RUBCNL: variants seen among roughly 807,000 people sequenced by gnomAD.
RUBCNL encodes rubicon like autophagy enhancer.
RUBCNL carries 62 observed loss-of-function variants against 69.5 expected under a neutral mutation model. The observed-to-expected ratio is 0.89, with a 90% CI of 0.73 to 1.10. The LOEUF (loss-of-function observed/expected upper bound fraction) is 1.10, where lower values mean the gene tolerates loss of function less well. RUBCNL is among the 50% of genes least tolerant of loss of function. The pLI is 0.00. For synonymous variants in RUBCNL, 291 were observed against 303.6 expected (o/e 0.96, Z 0.43); for missense variants, 768 against 798.1 (o/e 0.96, Z 0.45).
At chr13:46,343,564 C>T (rs1012697954) in intron 14 of RUBCNL, 67 bp from the exon 15 acceptor site, 11 of 1,513,368 alleles carry the variant, frequency 7.3e-6, no homozygotes, top group South Asian at 3.7e-5. Context: ...TGCAGACATT[C>T]GTCTCCATCC....
In RUBCNL at chr13:46,343,516, G is replaced by A. The variant is rs1481980322; in HGVS notation, c.1877-19C>T. 1 of 1,609,608 alleles carries A rather than the reference G, an allele frequency of 6.2e-7. No individual in the cohort carries two copies. Among genetic ancestry groups the A allele is most frequent in the Non-Finnish European group, 8.5e-7 (1 of 1,176,936 alleles). On this transcript the variant is annotated intron_variant, in intron 14 of 14. Coordinates refer to ENST00000429979, the MANE Select transcript of RUBCNL (RefSeq NM_025113.5). ...CTGCACGCTGCAAGCAAGGAAGAGA[G>A]CCGTTAGCAAACGGTCTATCTTGTT...
chr13:46,346,142 C>T (rs953144835), intron 12 of RUBCNL, among the ~76,000 whole-genome samples: 1 of 152,182 alleles, frequency 6.6e-6, no homozygotes, highest in Non-Finnish European at 1.5e-5. Flanking sequence ...TTCAAAACTT[C>T]ATCTTCTCCA....
rs538019889 is a variant in RUBCNL at position 46,341,843 on chromosome 13, T to C, written c.*1542A>G. Among the ~76,000 whole-genome samples the C allele has an allele frequency of 6.6e-6, 1 of 152,358 alleles. No homozygotes were observed. The highest frequency in any genetic ancestry group is 2.1e-4 in the South Asian group (1 of 4,828). On this transcript the variant is annotated 3_prime_UTR_variant, in exon 15 of 15. Transcript: ENST00000429979. The stretch of plus-strand genomic sequence containing the variant: ...AACCCCAGCTCCATCATGCACTTCC[T>C]GTGGGAACCTAGGAAAGTTATTTCT...
chr13:46,350,477 T>A (rs575647858), intron 10 of RUBCNL, 126 bp from the exon 11 acceptor site: 60 of 687,664 alleles, frequency 8.7e-5, no homozygotes, highest in African/African-American at 8.4e-4. Context: ...GATAAAGCCA[T>A]ACTCAACCTC....
At chr13:46,379,877 T>C (rs1242199842) in intron 1 of RUBCNL, among the ~76,000 whole-genome samples, 1 of 152,156 alleles carries the variant, frequency 6.6e-6, no homozygotes. Flanking sequence ...AAGATTCACA[T>C]CCCAAAGAGA....
intron 5 of RUBCNL, among the ~76,000 whole-genome samples, chr13:46,363,866 A>C (rs1357701005): frequency 1.3e-5 from 2 of 151,484 alleles, no homozygotes; most frequent in Admixed American, 1.3e-4. Context: ...GTCTCAAAAA[A>C]AAAAAAAAGT....
chr13:46,367,773 C>T (rs1329555357), intron 5 of RUBCNL, among the ~76,000 whole-genome samples: 1 of 152,158 alleles, frequency 6.6e-6, no homozygotes, highest in Non-Finnish European at 1.5e-5. Flanking sequence ...ATGATGAACT[C>T]CCACACGTCT....
chr13:46,357,287 C>T (rs1319795865), intron 9 of RUBCNL, among the ~76,000 whole-genome samples: 5 of 146,966 alleles, frequency 3.4e-5, no homozygotes, highest in Admixed American at 1.4e-4. Flanking sequence ...GAGCCAAGAT[C>T]GCGCCACTGC....
intron 9 of RUBCNL, among the ~76,000 whole-genome samples, chr13:46,356,873 C>T (rs1427975039): frequency 6.7e-6 from 1 of 148,434 alleles, no homozygotes; most frequent in Admixed American, 6.7e-5. Flanking sequence ...GCCCAGCTAG[C>T]TTTTTTTGGC....
chr13:46,380,511 T>C (rs2049095345), intron 1 of RUBCNL, among the ~76,000 whole-genome samples: 1 of 152,214 alleles, frequency 6.6e-6, no homozygotes, highest in African/African-American at 2.4e-5. Flanking sequence ...CCGTGTGGGC[T>C]GAAATTAGCA....
chr13:46,369,636 C>G (rs560945949), intron 3 of RUBCNL, among the ~76,000 whole-genome samples: 2 of 152,360 alleles, frequency 1.3e-5, no homozygotes, highest in South Asian at 4.1e-4. Context: ...GCTGACACAT[C>G]CATTCCTGCA....
chr13:46,350,543 T>G, intron 10 of RUBCNL, 192 bp from the exon 11 acceptor site: 1 of 540,580 alleles, frequency 1.8e-6, no homozygotes, highest in Non-Finnish European at 3.3e-6. Context: ...TGGCCATTCA[T>G]GAGCTCTGCT....
intron 5 of RUBCNL, among the ~76,000 whole-genome samples, chr13:46,366,345 G>A (rs1216154851): frequency 6.6e-6 from 1 of 152,226 alleles, no homozygotes; most frequent in Non-Finnish European, 1.5e-5. Flanking sequence ...GAAGACTGCA[G>A]AGCTGAAACT....
Position 46,343,410 on chromosome 13 carries a change from T to TC in RUBCNL, c.1963dup (p.Glu655GlyfsTer24). On this transcript the variant is annotated frameshift_variant, in exon 15 of 15. Transcript: ENST00000429979. LOFTEE classifies it high-confidence loss of function. The stretch of plus-strand genomic sequence containing the variant: ...TCATGTTGCTGCAGAGGCCACACTT[T>TC]CCAGAAGTTTTCTCCTCGCTGTGAT... 6.2e-7 allele frequency: 1 copy of TC among 1,613,818 alleles called. No individual in the cohort carries two copies. Among genetic ancestry groups the TC allele is most frequent in the Non-Finnish European group, 8.5e-7 (1 of 1,179,818 alleles).
At chr13:46,385,812 T>C (rs1336165508) in intron 1 of RUBCNL, among the ~76,000 whole-genome samples, 4 of 152,214 alleles carry the variant, frequency 2.6e-5, no homozygotes, top group Non-Finnish European at 5.9e-5. Context: ...CAGTCAAATC[T>C]AACCCCTCAC....
chr13:46,387,510 T>A, upstream of RUBCNL: 1 of 985,718 alleles, frequency 1.0e-6, no homozygotes, highest in Non-Finnish European at 1.2e-6. Context: ...CCGCCCTGCC[T>A]ACCCGCGGCG....
At chr13:46,344,965 T>C in intron 13 of RUBCNL, 134 bp from the exon 14 acceptor site, 3 of 633,008 alleles carry the variant, frequency 4.7e-6, no homozygotes, top group South Asian at 2.0e-5. Context: ...GGATGTTGTT[T>C]TGCAGCAATG....
In RUBCNL at chr13:46,347,631, G is replaced by A. The variant is rs569012277; in HGVS notation, c.1631+1655C>T. Among the ~76,000 whole-genome samples, 5 of 152,176 alleles carry A rather than the reference G, an allele frequency of 3.3e-5. No homozygotes were observed. In the South Asian group the frequency reaches 1.0e-3, roughly 32 times the overall value. The stretch of plus-strand genomic sequence containing the variant: ...GAGGGGAAGCAACCCTAGTGTCCAT[G>A]GATGAATAGATGGATTAAAAAAATG... On this transcript the variant is annotated intron_variant, in intron 12 of 14. Coordinates refer to ENST00000429979, the MANE Select transcript of RUBCNL (RefSeq NM_025113.5).
At chr13:46,358,966 T>C (rs79015068) in intron 9 of RUBCNL, among the ~76,000 whole-genome samples, 5,017 of 152,218 alleles carry the variant, frequency 0.033, 107 homozygotes, top group Non-Finnish European at 0.051. Flanking sequence ...TTCTGGAAGA[T>C]AAAGTGGTCC....
Sources: allele counts gnomAD v4.1 joint callset (sites outside exome capture counted in the v4.1 genomes callset), GRCh38; gene constraint gnomAD v4.1.1; transcripts MANE v1.5; gene names NCBI Gene and HGNC (gene_info 2026-07-23, HGNC 2026-07-21).